The following AP4E1 variants were observed in gnomAD, a reference collection of about 807,000 sequenced individuals.
AP4E1 encodes the protein AP-4 complex subunit epsilon-1.
AP4E1 carries 56 observed loss-of-function variants against 128.2 expected under a neutral mutation model. The ratio of observed to expected loss-of-function variants is 0.44; its 90% confidence interval spans 0.35 to 0.55. The LOEUF is 0.55. Among genes scored for constraint, AP4E1 ranks in the 20% least tolerant of loss-of-function variants. AP4E1 has a pLI of 0.00. For synonymous variants in AP4E1, 484 were observed against 473.1 expected (o/e 1.02, Z -0.30); for missense variants, 1,324 against 1,307.7 (o/e 1.01, Z -0.19).
chr15:51,000,753 G>T (rs1595586547), intron 19 of AP4E1, among the ~76,000 whole-genome samples: 2 of 152,094 alleles, frequency 1.3e-5, no homozygotes, highest in Admixed American at 1.3e-4. Context: ...AAATTACTTG[G>T]TAAAATCTTA....
In AP4E1 at chr15:51,001,049, A is replaced by C. The variant is rs1210531223; in HGVS notation, c.3119A>C (p.Asp1040Ala). The C allele has an allele frequency of 6.2e-7, 1 of 1,613,000 alleles. No individual in the cohort carries two copies. The highest frequency in any genetic ancestry group is 8.5e-7 in the Non-Finnish European group (1 of 1,179,304). The stretch of plus-strand genomic sequence containing the variant: ...AGACCATTAAAAATCTCAAGTGACG[A>C]CTTTGGGAAACTCTGGTTATCCTTC... ...FIRPLKISSD[D>A]FGKLWLSFAN... The change falls in exon 20 of 21, where the codon GAC (aspartate) becomes GCC (alanine). Residue 1040 changes from aspartate to alanine, a missense_variant. Transcript: ENST00000261842.
Position 50,941,498 on chromosome 15 carries a change from C to G in AP4E1, c.1000C>G (p.Leu334Val). The change falls in exon 9 of 21, where the codon CTT becomes GTT. Residue 334 changes from leucine to valine, a missense_variant. Leu to Val is a conservative substitution (Grantham distance 32, BLOSUM62 1). Transcript: ENST00000261842. The stretch of plus-strand genomic sequence containing the variant: ...TTCTATTTATCCTAAATCGGAATTA[C>G]TTGAGAAGGCTGCCAAGTGCATTGG... ...VYSIYPKSEL[L>V]EKAAKCIGKF... 1.2e-6 allele frequency: 2 copies of G among 1,613,100 alleles called. No homozygotes were observed. Among genetic ancestry groups the G allele is most frequent in the Non-Finnish European group, 1.7e-6 (2 of 1,179,510 alleles).
intron 19 of AP4E1, 63 bp from the exon 20 acceptor site, chr15:51,000,963 A>G (rs2064953977): frequency 2.3e-6 from 3 of 1,282,866 alleles, no homozygotes; most frequent in Non-Finnish European, 2.2e-6. Flanking sequence ...GGCATTTGAA[A>G]TTTGTTGTTT....
intron 13 of AP4E1, among the ~76,000 whole-genome samples, chr15:50,952,429 G>C (rs573857511): frequency 6.6e-6 from 1 of 150,416 alleles, no homozygotes; most frequent in Non-Finnish European, 1.5e-5. Context: ...AGAATCTCTT[G>C]AACTCAGGAG....
At chr15:50,945,836 G>A (rs888978237) in intron 10 of AP4E1, 2 of 785,262 alleles carry the variant, frequency 2.5e-6, no homozygotes, top group African/African-American at 1.7e-5. Context: ...TGTATAGCTT[G>A]TCATTGACAT....
intron 10 of AP4E1, chr15:50,945,658 T>A: frequency 2.6e-6 from 2 of 780,118 alleles, no homozygotes; most frequent in South Asian, 2.7e-5. Flanking sequence ...CTGTGTAAAA[T>A]GCACTTCTGA....
At chr15:50,921,540 G>A (rs2063703194) in intron 3 of AP4E1, among the ~76,000 whole-genome samples, 1 of 151,130 alleles carries the variant, frequency 6.6e-6, no homozygotes. Flanking sequence ...ATAGAGGTGA[G>A]GTTTCTCACC....
intron 17 of AP4E1, among the ~76,000 whole-genome samples, chr15:50,994,965 C>G (rs1337405194): frequency 6.6e-6 from 1 of 152,092 alleles, no homozygotes; most frequent in African/African-American, 2.4e-5. Flanking sequence ...CCAGCTATCA[C>G]TGAAGAGTAG....
intron 15 of AP4E1, among the ~76,000 whole-genome samples, chr15:50,974,733 C>G (rs547393810): frequency 2.0e-5 from 3 of 152,060 alleles, no homozygotes; most frequent in African/African-American, 7.2e-5. Flanking sequence ...CAAGGTGATG[C>G]CTTATTATGG....
At chr15:51,000,315 G>T (rs1262009184) in intron 19 of AP4E1, among the ~76,000 whole-genome samples, 4 of 151,572 alleles carry the variant, frequency 2.6e-5, no homozygotes, top group Non-Finnish European at 4.4e-5. Flanking sequence ...TAATTTTTGT[G>T]TTTTTTGTAG....
intron 11 of AP4E1, among the ~76,000 whole-genome samples, chr15:50,948,964 C>T (rs2064106994): frequency 6.8e-6 from 1 of 147,084 alleles, no homozygotes; most frequent in Admixed American, 6.7e-5. Flanking sequence ...AAGAGCGAAA[C>T]TCCGTCTCAA....
At chr15:50,990,480 A>G (rs983715914) in intron 16 of AP4E1, among the ~76,000 whole-genome samples, 1 of 151,470 alleles carries the variant, frequency 6.6e-6, no homozygotes, top group Non-Finnish European at 1.5e-5. Context: ...CCAGGTTCTC[A>G]TGCCTCAGAC....
In AP4E1 at chr15:50,949,822, A is replaced by G. The variant is rs1327573033; in HGVS notation, c.1317-4A>G. 6.2e-7 allele frequency: 1 copy of G among 1,601,944 alleles called. No homozygotes were observed. Among genetic ancestry groups the G allele is most frequent in the Admixed American group, 1.7e-5 (1 of 60,002 alleles). ...AGTGTACTTGTTCTTAACACTGTGG[A>G]CACATATGCTCCTGATAATGCATGG... On this transcript the variant is annotated splice_region_variant and splice_polypyrimidine_tract_variant and intron_variant, in intron 11 of 20. Coordinates refer to ENST00000261842, the MANE Select transcript of AP4E1 (RefSeq NM_007347.5).
chr15:50,996,909 A>G (rs1478210002), intron 17 of AP4E1, among the ~76,000 whole-genome samples: 4 of 152,234 alleles, frequency 2.6e-5, no homozygotes, highest in Non-Finnish European at 5.9e-5. Flanking sequence ...ATAGATGACT[A>G]AAACAGAGGT....
intron 20 of AP4E1, among the ~76,000 whole-genome samples, chr15:51,001,922 A>G (rs1416155232): frequency 2.0e-5 from 3 of 152,094 alleles, no homozygotes; most frequent in African/African-American, 4.8e-5. Context: ...TTTGTTACCC[A>G]TGCTGGAGTA....
chr15:50,927,785 T>G (rs2063786612), intron 5 of AP4E1, among the ~76,000 whole-genome samples: 1 of 152,168 alleles, frequency 6.6e-6, no homozygotes, highest in Non-Finnish European at 1.5e-5. Flanking sequence ...AAAGGAGTTC[T>G]TGAGTGGAAC....
Position 50,948,339 on chromosome 15 carries a change from C to CTTTT in AP4E1, c.1316+195_1316+198dup, listed in dbSNP as rs66467957. Among the ~76,000 whole-genome samples the CTTTT allele has an allele frequency of 4.4e-3, 534 of 122,034 alleles. 2 individuals are homozygous for CTTTT. The highest frequency in any genetic ancestry group is 6.9e-3 in the Non-Finnish European group (404 of 58,264). 80.1% of individuals were successfully genotyped at this position (122,034 alleles called of 152,430 possible). A position where few individuals can be genotyped will look rare whatever the true frequency, so the allele number is the denominator to read the frequency against. ...TTTGTGTAGACCTCTTAGGAGATGG[C>CTTTT]TTTTTTTTTTTTTTTTTTGCTGGTT... On this transcript the variant is annotated intron_variant, in intron 11 of 20. Transcript: ENST00000261842.
In AP4E1 at chr15:50,930,869, G is replaced by C. The variant is rs764307139; in HGVS notation, c.767G>C (p.Gly256Ala). The C allele has an allele frequency of 1.2e-6, 2 of 1,613,976 alleles. No homozygotes were observed. The highest frequency in any genetic ancestry group is 2.7e-5 in the African/African-American group (2 of 74,906). ...SFVTILKQVV[G>A]GKLPVEFNYH... is the part of the protein sequence containing the mutation. ...GTAACCATTTTGAAGCAAGTAGTTGGAGGAAAGCTCCCAGTAGAATTCAAT... is the reference window on the plus strand; with the variant it reads ...GTAACCATTTTGAAGCAAGTAGTTGCAGGAAAGCTCCCAGTAGAATTCAAT... The change falls in exon 7 of 21, where the codon GGA (glycine) becomes GCA (alanine). Residue 256 changes from glycine (G) to alanine (A), a missense_variant. Transcript: ENST00000261842.
At chr15:50,923,545 T>C (rs1430352018) in intron 3 of AP4E1, among the ~76,000 whole-genome samples, 1 of 152,094 alleles carries the variant, frequency 6.6e-6, no homozygotes, top group Admixed American at 6.5e-5. Flanking sequence ...GGGTTTTTTT[T>C]ATTATAGTGA....
Sources: gnomAD v4.1 joint callset for allele counts (sites outside exome capture counted in the v4.1 genomes callset) on GRCh38, gnomAD v4.1.1 for gene constraint, MANE v1.5 for transcripts, NCBI Gene and HGNC (gene_info 2026-07-23, HGNC 2026-07-21) for gene names.